The following STMN2 variants were observed in gnomAD, a reference collection of about 807,000 sequenced individuals.
STMN2 encodes stathmin-2.
In STMN2, 2 loss-of-function variants were observed where a neutral mutation model predicts 24.1. The ratio of observed to expected loss-of-function variants is 0.08; its 90% CI spans 0.03 to 0.26. STMN2 has a LOEUF of 0.26. Among genes scored for constraint, STMN2 ranks in the 10% least tolerant of loss-of-function variants. The pLI is 1.00. For missense variants in STMN2, 114 were observed against 213.6 expected (o/e 0.53, Z 2.91); for synonymous variants, 83 against 77.5 (o/e 1.07, Z -0.37).
chr8:79,613,031 G>A (rs527595521), intron 1 of STMN2, among the ~76,000 whole-genome samples: 1 of 151,998 alleles, frequency 6.6e-6, no homozygotes, highest in South Asian at 2.1e-4. Context: ...ACACAAAGGC[G>A]CGGCCCCACC....
At position 79,635,209 on chromosome 8, in the gene STMN2, G is replaced by A. The variant is rs532494892; in HGVS notation, c.20-1593G>A. On this transcript the variant is annotated intron_variant, in intron 1 of 4. Coordinates refer to ENST00000220876, the MANE Select transcript of STMN2 (RefSeq NM_007029.4). ...AAATGAAATGGGGAAGGGGAGTGAA[G>A]GATTGAGGAGGTGACAATCTGGACT... Among the ~76,000 whole-genome samples the A allele has an allele frequency of 2.4e-4, 37 of 152,262 alleles. 1 individual carries two copies. In the South Asian group the frequency reaches 7.3e-3, roughly 30 times the overall value.
intron 1 of STMN2, among the ~76,000 whole-genome samples, chr8:79,614,499 G>A (rs1809335486): frequency 6.6e-6 from 1 of 152,232 alleles, no homozygotes; most frequent in East Asian, 1.9e-4. Context: ...GTTTATACCA[G>A]GTGAGTAAGC....
At chr8:79,646,277 A>C (rs568780594) in intron 3 of STMN2, among the ~76,000 whole-genome samples, 113 of 152,228 alleles carry the variant, frequency 7.4e-4, no homozygotes, top group African/African-American at 2.5e-3. Context: ...TGTTCTAGAC[A>C]CAGGGGATAC....
At chr8:79,652,794 A>G (rs778583624) in intron 3 of STMN2, among the ~76,000 whole-genome samples, 2 of 152,044 alleles carry the variant, frequency 1.3e-5, no homozygotes, top group Non-Finnish European at 2.9e-5. Flanking sequence ...TAATTTCATG[A>G]AGACTTTTCC....
chr8:79,646,663 A>G (rs955018256), intron 3 of STMN2, among the ~76,000 whole-genome samples: 2 of 152,148 alleles, frequency 1.3e-5, no homozygotes. Flanking sequence ...AGTGGTAGCA[A>G]CTGAAGTCAG....
intron 3 of STMN2, among the ~76,000 whole-genome samples, chr8:79,648,722 C>T (rs117899358): frequency 0.041 from 6,218 of 152,088 alleles, 155 homozygotes; most frequent in South Asian, 0.096. Flanking sequence ...CTCAGCCTTC[C>T]GAAGTGCTGG....
chr8:79,652,810 A>G (rs1054943326), intron 3 of STMN2, among the ~76,000 whole-genome samples: 2 of 152,068 alleles, frequency 1.3e-5, no homozygotes, highest in African/African-American at 4.8e-5. Context: ...TTTCCCAGAG[A>G]GAGAAACTTT....
chr8:79,613,426 G>A (rs1316231658), intron 1 of STMN2: 1 of 985,330 alleles, frequency 1.0e-6, no homozygotes, highest in Non-Finnish European at 1.2e-6. Context: ...CGGGGAGACC[G>A]GTTTCTGCGC....
At chr8:79,622,183 A>C (rs1809529470) in intron 1 of STMN2, among the ~76,000 whole-genome samples, 2 of 152,142 alleles carry the variant, frequency 1.3e-5, no homozygotes, top group Admixed American at 6.5e-5. Context: ...AGAATTCTTA[A>C]ATTTATTAAT....
intron 1 of STMN2, among the ~76,000 whole-genome samples, chr8:79,623,203 AGAG>A (rs1366547570): frequency 2.0e-5 from 3 of 152,240 alleles, no homozygotes; most frequent in African/African-American, 4.8e-5. Flanking sequence ...ATGGATACTT[AGAG>A]TTTAGCACTA....
Position 79,611,121 on chromosome 8 carries a change from T to G in STMN2, c.-75T>G. On this transcript the variant is annotated 5_prime_UTR_variant, in exon 1 of 5. Transcript: ENST00000220876. ...TGCAGACTCAGTGCCTTATTCAGTC[T>G]TCTCTCTCGCTCTCTCCGCTGCTGT... 1.2e-6 allele frequency: 2 copies of G among 1,601,922 alleles called. No homozygotes were observed. Among genetic ancestry groups the G allele is most frequent in the East Asian group, 2.2e-5 (1 of 44,844 alleles).
Position 79,664,908 on chromosome 8 carries a change from TA to T in STMN2, c.*37del. ...AGGGTCTGGCACGCCCCACCAATAG[TA>T]AATCCCCCTGCCTATATTATAATGG... On this transcript the variant is annotated 3_prime_UTR_variant, in exon 5 of 5. Coordinates refer to ENST00000220876, the MANE Select transcript of STMN2 (RefSeq NM_007029.4). The T allele has an allele frequency of 6.2e-7, 1 of 1,602,164 alleles. No homozygotes were observed. Among genetic ancestry groups the T allele is most frequent in the South Asian group, 1.1e-5 (1 of 89,990 alleles).
intron 3 of STMN2, among the ~76,000 whole-genome samples, chr8:79,643,811 C>A (rs1810161598): frequency 6.6e-6 from 1 of 152,112 alleles, no homozygotes; most frequent in South Asian, 2.1e-4. Flanking sequence ...ATGTAATCAT[C>A]CAGTGTTATG....
At chr8:79,612,025 C>T (rs1427996327) in intron 1 of STMN2, among the ~76,000 whole-genome samples, 4 of 152,102 alleles carry the variant, frequency 2.6e-5, no homozygotes, top group Non-Finnish European at 5.9e-5. Context: ...CAGCGCTGGG[C>T]GCACAATGCG....
At chr8:79,613,446 A>G in intron 1 of STMN2, 2 of 985,368 alleles carry the variant, frequency 2.0e-6, no homozygotes, top group Non-Finnish European at 2.4e-6. Flanking sequence ...CAGTGTCCTG[A>G]GCTACCCCCG....
At chr8:79,626,362 A>T (rs1301207815) in intron 1 of STMN2, among the ~76,000 whole-genome samples, 2 of 152,232 alleles carry the variant, frequency 1.3e-5, no homozygotes, top group African/African-American at 4.8e-5. Flanking sequence ...CTTTTGAAGG[A>T]TAGAAATGAG....
chr8:79,654,701 C>T (rs1197336448), intron 3 of STMN2, among the ~76,000 whole-genome samples, 170 bp from the exon 4 acceptor site: 2 of 152,172 alleles, frequency 1.3e-5, no homozygotes, highest in South Asian at 2.1e-4. Context: ...CCCAACTAGC[C>T]ACATTCTATA....
At chr8:79,612,762 G>T (rs1407670349) in intron 1 of STMN2, among the ~76,000 whole-genome samples, 1 of 152,240 alleles carries the variant, frequency 6.6e-6, no homozygotes, top group Non-Finnish European at 1.5e-5. Context: ...GACTCCATCT[G>T]CGCGGCTCCG....
At chr8:79,612,078 G>A (rs944219578) in intron 1 of STMN2, among the ~76,000 whole-genome samples, 2 of 31,140 alleles carry the variant, frequency 6.4e-5, no homozygotes, top group Non-Finnish European at 1.4e-4. Context: ...CCGCCCCCCC[G>A]CCCGGTGCTG....
Sources: gnomAD v4.1 joint callset for allele counts (sites outside exome capture counted in the v4.1 genomes callset) on GRCh38, gnomAD v4.1.1 for gene constraint, MANE v1.5 for transcripts, NCBI Gene and HGNC (gene_info 2026-07-23, HGNC 2026-07-21) for gene names.